Variants in SEPTIN9 observed in about 807,000 individuals in gnomAD.
SEPTIN9 encodes septin-9.
Under a neutral mutation model 56.6 loss-of-function variants are expected in SEPTIN9, and 13 were observed. The ratio of observed to expected loss-of-function variants is 0.23; its 90% CI spans 0.15 to 0.37. SEPTIN9 has a LOEUF of 0.37. Among genes scored for constraint, SEPTIN9 ranks in the 10% least tolerant of loss-of-function variants. SEPTIN9 has a pLI of 1.00. For synonymous variants in SEPTIN9, 332 were observed against 334.1 expected, an observed-to-expected ratio of 0.99 and a Z score of 0.07; for missense variants, 650 against 823.1, an observed-to-expected ratio of 0.79 and a Z score of 2.57.
chr17:77,396,305 A>G (rs2035710866), intron 2 of SEPTIN9, among the ~76,000 whole-genome samples: 1 of 152,202 alleles, frequency 6.6e-6, no homozygotes, highest in Non-Finnish European at 1.5e-5. Context: ...CAGACAGAGG[A>G]GGAAGCTGTC....
At chr17:77,314,341 C>CTTTTTTTTTTTTTTTTTTT (rs33986509) in intron 2 of SEPTIN9, among the ~76,000 whole-genome samples, 1 of 67,956 alleles carries the variant, frequency 1.5e-5, no homozygotes, top group African/African-American at 6.3e-5. Context: ...TGTGCCTGGA[C>CTTTTTTTTTTTTTTTTTTT]TTTTTTTTTT....
In SEPTIN9 at chr17:77,323,204, C is replaced by T. The variant is rs1205958313; in HGVS notation, c.76+16007C>T. Among the ~76,000 whole-genome samples, 2 of 152,120 alleles carry T rather than the reference C, an allele frequency of 1.3e-5. No homozygotes were observed. Among genetic ancestry groups the T allele is most frequent in the Non-Finnish European group, 2.9e-5 (2 of 68,008 alleles). ...CCCTCCCTGGGGGCTGTGGCCTTCC[C>T]CTGGGAAGGTGCTGGAGGGTTTGTC... On this transcript the variant is annotated intron_variant, in intron 2 of 11. Coordinates refer to ENST00000427177, the MANE Select transcript of SEPTIN9 (RefSeq NM_001113491.2). This position sits in a 1 kb window ranked among gnomAD's most constrained non-coding sequence, Gnocchi z 6.8.
intron 2 of SEPTIN9, among the ~76,000 whole-genome samples, chr17:77,352,335 A>T (rs144818123): frequency 0.014 from 2,193 of 152,006 alleles, 53 homozygotes; most frequent in African/African-American, 0.05. Context: ...TGAACCTTGG[A>T]GGTGGAGGTT....
In SEPTIN9 at chr17:77,422,027, TA is replaced by T. The variant is rs201122825; in HGVS notation, c.721+19326del. Reference sequence around the variant, plus strand: ...CCATGCCTGGTTAATTTTTTAATTTTAATTTTTTTTTGTAGAAATGGAGTCT... The same window carrying T: ...CCATGCCTGGTTAATTTTTTAATTTTATTTTTTTTTGTAGAAATGGAGTCT... On this transcript the variant is annotated intron_variant, in intron 3 of 11. Transcript: ENST00000427177. Among the ~76,000 whole-genome samples, 238 of 79,918 alleles carry T rather than the reference TA, an allele frequency of 3.0e-3. 2 individuals are homozygous for T. Among genetic ancestry groups the T allele is most frequent in the Non-Finnish European group, 3.9e-3 (157 of 40,258 alleles). The allele number at this position is 79,918 out of a possible 152,430, so 52.4% of individuals were successfully genotyped here. A position where few individuals can be genotyped will look rare whatever the true frequency, so the allele number is the denominator to read the frequency against.
chr17:77,333,375 T>G (rs1368007118), intron 2 of SEPTIN9, among the ~76,000 whole-genome samples: 3 of 152,192 alleles, frequency 2.0e-5, no homozygotes, highest in Admixed American at 2.0e-4. Flanking sequence ...TTTATTCCAG[T>G]CTGTGGCTTG....
chr17:77,367,076 G>A lies in SEPTIN9; in HGVS notation c.77-34983G>A, dbSNP rs756634119. On this transcript the variant is annotated intron_variant, in intron 2 of 11. Coordinates refer to ENST00000427177, the MANE Select transcript of SEPTIN9 (RefSeq NM_001113491.2). This position sits in a 1 kb window ranked among gnomAD's most constrained non-coding sequence, Gnocchi z 4.5. ...TGAAACCTTATGGTTGCATTGAAGC[G>A]GCCAGGCAGAGGGTGTGATGGGGTG... Among the ~76,000 whole-genome samples, 5 of 152,224 alleles carry A rather than the reference G, an allele frequency of 3.3e-5. No homozygotes were observed. The highest frequency in any genetic ancestry group is 4.4e-5 in the Non-Finnish European group (3 of 68,034).
At chr17:77,375,740 T>C (rs312825) in intron 2 of SEPTIN9, 106,057 of 152,512 alleles carry the variant, frequency 0.7, 37,056 homozygotes, top group African/African-American at 0.76. Context: ...CCCTTGTGTG[T>C]CCTGAATGGT....
chr17:77,438,383 G>A (rs2037430643), intron 3 of SEPTIN9, among the ~76,000 whole-genome samples: 2 of 152,194 alleles, frequency 1.3e-5, no homozygotes, highest in South Asian at 4.1e-4. Flanking sequence ...CTATGTCTTG[G>A]GGTTGGCAGG....
Position 77,498,669 on chromosome 17 carries a change from GCCCACCCCCGGGATCCT to G in SEPTIN9, c.*12_*28del. 6.5e-7 allele frequency: 1 copy of G among 1,550,292 alleles called. No homozygotes were observed. The highest frequency in any genetic ancestry group is 8.7e-7 in the Non-Finnish European group (1 of 1,149,426). On this transcript the variant is annotated 3_prime_UTR_variant, in exon 12 of 12. Transcript: ENST00000427177. ...GCCCCGGAGATGTAGACGCCACCCTGCCCACCCCCGGGATCCTGCCCCCAAGTCATTTCCGTCCCCCC... is the reference window on the plus strand; with the variant it reads ...GCCCCGGAGATGTAGACGCCACCCTGGCCCCCAAGTCATTTCCGTCCCCCC...
At chr17:77,444,853 T>G (rs2037677158) in intron 3 of SEPTIN9, 1 of 309,098 alleles carries the variant, frequency 3.2e-6, no homozygotes, top group Non-Finnish European at 6.6e-6. Flanking sequence ...AGCCGTGGTG[T>G]AGACCTACTT....
Position 77,330,975 on chromosome 17 carries a change from G to A in SEPTIN9, c.76+23778G>A, listed in dbSNP as rs1406584858. Among the ~76,000 whole-genome samples the A allele has an allele frequency of 6.6e-6, 1 of 152,206 alleles. No individual in the cohort carries two copies. Among genetic ancestry groups the A allele is most frequent in the Non-Finnish European group, 1.5e-5 (1 of 68,034 alleles). ...ACCTGGAGTCCCAGGCAGCAGATTC[G>A]ATGCAGTGATGCAGGGCTGTCAGCC... is the stretch of plus-strand genomic sequence containing the variant. On this transcript the variant is annotated intron_variant, in intron 2 of 11. Coordinates refer to ENST00000427177, the MANE Select transcript of SEPTIN9 (RefSeq NM_001113491.2). This position sits in a 1 kb window ranked among gnomAD's most constrained non-coding sequence, Gnocchi z 4.4.
chr17:77,478,672 G>A (rs1426859254), intron 3 of SEPTIN9, among the ~76,000 whole-genome samples: 3 of 151,974 alleles, frequency 2.0e-5, no homozygotes, highest in Non-Finnish European at 2.9e-5. Context: ...GCATGGTGGC[G>A]GGTGCCTGTA....
intron 2 of SEPTIN9, among the ~76,000 whole-genome samples, chr17:77,311,029 C>T (rs533374181): frequency 6.6e-6 from 1 of 152,218 alleles, no homozygotes; most frequent in South Asian, 2.1e-4. Context: ...GGGGTCTTTG[C>T]AGATGTAAGT....
chr17:77,472,178 G>T (rs1177785550), intron 3 of SEPTIN9, among the ~76,000 whole-genome samples: 1 of 152,190 alleles, frequency 6.6e-6, no homozygotes, highest in Non-Finnish European at 1.5e-5. Flanking sequence ...TGAAAGAACA[G>T]AGGAGGGCCT....
rs966472254 is a variant in SEPTIN9 at position 77,389,751 on chromosome 17, C to T, written c.77-12308C>T. Among the ~76,000 whole-genome samples the T allele has an allele frequency of 1.3e-5, 2 of 149,156 alleles. No homozygotes were observed. Among genetic ancestry groups the T allele is most frequent in the Non-Finnish European group, 3.0e-5 (2 of 67,262 alleles). On this transcript the variant is annotated intron_variant, in intron 2 of 11. Transcript: ENST00000427177. This position sits in a 1 kb window ranked among gnomAD's most constrained non-coding sequence, Gnocchi z 4.3. ...GCGGCCCCACCCCAGCCAGGAAATT[C>T]TTCCTCTTTATCTGCCTCACATCTC...
chr17:77,438,684 G>A (rs1337693488), intron 3 of SEPTIN9, among the ~76,000 whole-genome samples: 1 of 152,210 alleles, frequency 6.6e-6, no homozygotes, highest in African/African-American at 2.4e-5. Flanking sequence ...GGGAGGGTGC[G>A]CAGCCCTGTG....
chr17:77,383,716 G>A (rs2035230671), intron 2 of SEPTIN9, among the ~76,000 whole-genome samples: 1 of 152,190 alleles, frequency 6.6e-6, no homozygotes, highest in Non-Finnish European at 1.5e-5. Context: ...GGTGCACGGA[G>A]GGGCTGAGCG....
At chr17:77,341,210 C>T (rs2033714199) in intron 2 of SEPTIN9, among the ~76,000 whole-genome samples, 1 of 152,184 alleles carries the variant, frequency 6.6e-6, no homozygotes, top group South Asian at 2.1e-4. Flanking sequence ...CTTCCTCACT[C>T]AGCTTAATCA....
chr17:77,295,903 G>A (rs1002742759), intron 1 of SEPTIN9, among the ~76,000 whole-genome samples: 2 of 151,962 alleles, frequency 1.3e-5, no homozygotes, highest in Non-Finnish European at 2.9e-5. Flanking sequence ...CCCATTTGTT[G>A]TGGACCAAAC....
Sources: gnomAD v4.1 joint callset for allele counts (sites outside exome capture counted in the v4.1 genomes callset) on GRCh38, gnomAD v4.1.1 for gene constraint, Gnocchi (gnomAD v3.1) non-coding constraint, MANE v1.5 for transcripts, NCBI Gene and HGNC (gene_info 2026-07-23, HGNC 2026-07-21) for gene names.